Variants in RAPGEF5 observed in about 807,000 individuals in gnomAD.
The protein encoded by RAPGEF5 is Rap guanine nucleotide exchange factor 5, also known as M-Ras-regulated GEF.
A neutral mutation model predicts 125.2 loss-of-function variants in RAPGEF5; 65 were observed. The observed-to-expected ratio is 0.52, with a 90% CI of 0.43 to 0.64. RAPGEF5 has a LOEUF of 0.64. Among genes scored for constraint, RAPGEF5 ranks in the 30% least tolerant of loss-of-function variants. The pLI, the probability that RAPGEF5 is intolerant of heterozygous loss-of-function variation, is 0.00. For synonymous variants in RAPGEF5, 391 were observed against 385.9 expected, an observed-to-expected ratio of 1.01 and a Z score of -0.16; for missense variants, 958 against 1,048.1, an observed-to-expected ratio of 0.91 and a Z score of 1.19.
intron 6 of RAPGEF5, among the ~76,000 whole-genome samples, chr7:22,268,198 G>A (rs1782330475): frequency 6.6e-6 from 1 of 152,090 alleles, no homozygotes; most frequent in South Asian, 2.1e-4. Flanking sequence ...ATTCTCTCAG[G>A]AAAATTACAC....
chr7:22,312,761 A>C (rs1783503242), intron 3 of RAPGEF5, among the ~76,000 whole-genome samples: 1 of 152,226 alleles, frequency 6.6e-6, no homozygotes, highest in African/African-American at 2.4e-5. Flanking sequence ...TTATGTTTTA[A>C]ATCACATATA....
At chr7:22,325,926 A>C (rs557847087) in intron 1 of RAPGEF5, among the ~76,000 whole-genome samples, 2 of 152,356 alleles carry the variant, frequency 1.3e-5, no homozygotes, top group South Asian at 4.1e-4. Context: ...AATACCAATT[A>C]TTCCTTTGTA....
chr7:22,129,633 C>T (rs759675725), intron 24 of RAPGEF5, among the ~76,000 whole-genome samples: 8 of 152,182 alleles, frequency 5.3e-5, no homozygotes, highest in Non-Finnish European at 7.3e-5. Flanking sequence ...AAAAATAACA[C>T]TTTATCCATT....
chr7:22,274,910 C>T (rs2128143429), intron 6 of RAPGEF5, among the ~76,000 whole-genome samples: 1 of 152,282 alleles, frequency 6.6e-6, no homozygotes, highest in South Asian at 2.1e-4. Context: ...ATGACAGAGT[C>T]CAATGTCTGA....
chr7:22,172,779 T>A (rs1436578619), intron 11 of RAPGEF5, among the ~76,000 whole-genome samples: 1 of 152,210 alleles, frequency 6.6e-6, no homozygotes, highest in Non-Finnish European at 1.5e-5. Flanking sequence ...AGTCTAAAAA[T>A]CACTAGAAGT....
chr7:22,166,919 C>A, intron 12 of RAPGEF5, 151 bp downstream of exon 12: 2 of 647,770 alleles, frequency 3.1e-6, no homozygotes, highest in South Asian at 4.4e-5. Flanking sequence ...TGTCTCATTT[C>A]ATCTTCTACC....
intron 6 of RAPGEF5, among the ~76,000 whole-genome samples, chr7:22,272,788 G>C (rs551905445): frequency 6.6e-6 from 1 of 151,918 alleles, no homozygotes; most frequent in Non-Finnish European, 1.5e-5. Context: ...ACAAGGTTTC[G>C]CTCTGTTGCC....
At chr7:22,310,878 A>T (rs1036349261) in intron 3 of RAPGEF5, among the ~76,000 whole-genome samples, 3 of 152,232 alleles carry the variant, frequency 2.0e-5, no homozygotes, top group African/African-American at 7.2e-5. Flanking sequence ...AAAAAATGTC[A>T]TAACCTGGTT....
At chr7:22,276,377 C>T (rs556350936) in intron 6 of RAPGEF5, among the ~76,000 whole-genome samples, 1 of 152,266 alleles carries the variant, frequency 6.6e-6, no homozygotes, top group South Asian at 2.1e-4. Flanking sequence ...ATGTTACACA[C>T]CATTCCATAC....
intron 1 of RAPGEF5, among the ~76,000 whole-genome samples, chr7:22,346,709 A>G (rs1165211445): frequency 1.3e-5 from 2 of 152,222 alleles, no homozygotes; most frequent in South Asian, 2.1e-4. Context: ...CCAGTTGGAA[A>G]AAAATACAGG....
At chr7:22,322,118 T>G (rs1489324798) in intron 1 of RAPGEF5, among the ~76,000 whole-genome samples, 1 of 151,894 alleles carries the variant, frequency 6.6e-6, no homozygotes, top group Non-Finnish European at 1.5e-5. Flanking sequence ...ACCAAGTTTT[T>G]GGGGTTTTTT....
At chr7:22,356,282 T>C (rs1784418062) in intron 1 of RAPGEF5, 1 of 983,342 alleles carries the variant, frequency 1.0e-6, no homozygotes, top group African/African-American at 1.7e-5. Context: ...GAGTATTAAG[T>C]GCTGGAGACA....
In RAPGEF5 at chr7:22,267,029, G is replaced by T. The variant is rs768271779; in HGVS notation, c.748-17C>A. On this transcript the variant is annotated splice_polypyrimidine_tract_variant and intron_variant, in intron 6 of 25. Transcript: ENST00000665637. ...TCTCTGCACCTAATAAAATATTAGGGGGGAAAATCAAATTAGAAGAAGAAA... is the reference window on the plus strand; with the variant it reads ...TCTCTGCACCTAATAAAATATTAGGTGGGAAAATCAAATTAGAAGAAGAAA... 8.8e-6 allele frequency: 14 copies of T among 1,594,968 alleles called. No homozygotes were observed. The highest frequency in any genetic ancestry group is 1.1e-5 in the Non-Finnish European group (13 of 1,165,912).
At chr7:22,203,129 T>G (rs905877034) in intron 9 of RAPGEF5, among the ~76,000 whole-genome samples, 1 of 152,176 alleles carries the variant, frequency 6.6e-6, no homozygotes, top group African/African-American at 2.4e-5. Flanking sequence ...TGGTGCTGTA[T>G]GTGCTACTGA....
intron 1 of RAPGEF5, among the ~76,000 whole-genome samples, chr7:22,345,272 G>A (rs373144071): frequency 2.6e-5 from 4 of 152,180 alleles, no homozygotes; most frequent in Admixed American, 2.6e-4. Context: ...ACCAATTGTG[G>A]AGCCTCAGTT....
At chr7:22,329,658 A>G (rs1432415661) in intron 1 of RAPGEF5, among the ~76,000 whole-genome samples, 1 of 152,252 alleles carries the variant, frequency 6.6e-6, no homozygotes, top group Non-Finnish European at 1.5e-5. Context: ...AAGCGCTAAC[A>G]GAATGGGTTC....
chr7:22,299,071 T>C (rs1783135330), intron 5 of RAPGEF5, among the ~76,000 whole-genome samples: 1 of 151,972 alleles, frequency 6.6e-6, no homozygotes, highest in African/African-American at 2.4e-5. Context: ...TTTTTTCTAA[T>C]TTCTTTTCAC....
chr7:22,152,955 T>C (rs1046556319), intron 17 of RAPGEF5, among the ~76,000 whole-genome samples: 1 of 152,184 alleles, frequency 6.6e-6, no homozygotes, highest in South Asian at 2.1e-4. Flanking sequence ...TCTATAGACA[T>C]TACAACGCTA....
At chr7:22,294,303 CAGATG>C (rs1783002146) in intron 5 of RAPGEF5, among the ~76,000 whole-genome samples, 1 of 152,204 alleles carries the variant, frequency 6.6e-6, no homozygotes, top group Non-Finnish European at 1.5e-5. Context: ...TTTATGCCAA[CAGATG>C]CTCTCCTTTA....
Sources: gnomAD v4.1 joint callset for allele counts (sites outside exome capture counted in the v4.1 genomes callset) on GRCh38, gnomAD v4.1.1 for gene constraint, MANE v1.5 for transcripts, NCBI Gene and HGNC (gene_info 2026-07-23, HGNC 2026-07-21) for gene names.